Variants in TIPRL observed in about 807,000 individuals in gnomAD.
TIPRL encodes TOR signaling pathway regulator, also known as TIP41-like protein.
A neutral mutation model predicts 32.3 loss-of-function variants in TIPRL; 10 were observed. The observed-to-expected ratio is 0.31, with a 90% confidence interval of 0.19 to 0.52. The LOEUF is 0.52. Among genes scored for constraint, TIPRL ranks in the 20% least tolerant of loss-of-function variants. TIPRL has a pLI of 0.96. For synonymous variants in TIPRL, 100 were observed against 114.0 expected (o/e 0.88, Z 0.78); for missense variants, 250 against 328.1 (o/e 0.76, Z 1.84).
At position 168,201,384 on chromosome 1, in the gene TIPRL, A is replaced by G. The variant is rs1261623253; in HGVS notation, c.*1338A>G. On this transcript the variant is annotated 3_prime_UTR_variant, in exon 7 of 7. Coordinates refer to ENST00000367833, the MANE Select transcript of TIPRL (RefSeq NM_152902.5). ...GGTATTAGCCTGAAGATAAATTTTA[A>G]CAAAACATATACACTTGGGTATCCG... 1.3e-5 allele frequency: 2 copies of G among 152,210 alleles called. No homozygotes were observed. The highest frequency in any genetic ancestry group is 4.8e-5 in the African/African-American group (2 of 41,556). The allele number at this position is 152,210 out of a possible 1,614,324, so 9.4% of individuals were successfully genotyped here.
chr1:168,190,290 C>A (rs1306613672), intron 3 of TIPRL, among the ~76,000 whole-genome samples: 1 of 152,164 alleles, frequency 6.6e-6, no homozygotes, highest in Non-Finnish European at 1.5e-5. Flanking sequence ...AGTGTTATCT[C>A]TAAGTGACCA....
intron 5 of TIPRL, among the ~76,000 whole-genome samples, chr1:168,197,301 A>C (rs1429756858): frequency 6.8e-6 from 1 of 147,096 alleles, no homozygotes; most frequent in South Asian, 2.1e-4. Flanking sequence ...AAAAAAAAAA[A>C]GAAACATACC....
At chr1:168,184,109 A>C (rs756257177) in intron 2 of TIPRL, 28 bp downstream of exon 2, 17 of 1,579,680 alleles carry the variant, frequency 1.1e-5, no homozygotes, top group Non-Finnish European at 1.5e-5. Context: ...TAGGTTAAAC[A>C]AAAAAGGTAA....
chr1:168,178,994 C>A lies in TIPRL; in HGVS notation c.-84C>A. 1 of 1,266,696 alleles carries A rather than the reference C, an allele frequency of 7.9e-7. No individual in the cohort carries two copies. Among genetic ancestry groups the A allele is most frequent in the Non-Finnish European group, 1.1e-6 (1 of 906,514 alleles). The allele number at this position is 1,266,696 out of a possible 1,614,324, so 78.5% of individuals were successfully genotyped here. ...CGGCTCGGAAGCCTAGGAGGCTGGGCCGGAGGGAGGCGGAGGAACCGGTGT... is the reference window on the plus strand; with the variant it reads ...CGGCTCGGAAGCCTAGGAGGCTGGGACGGAGGGAGGCGGAGGAACCGGTGT... On this transcript the variant is annotated 5_prime_UTR_variant, in exon 1 of 7. Transcript: ENST00000367833.
In TIPRL at chr1:168,179,193, G is replaced by A. The variant is rs1332571602; in HGVS notation, c.104+12G>A. The A allele has an allele frequency of 1.9e-6, 3 of 1,613,316 alleles. No individual in the cohort carries two copies. The highest frequency in any genetic ancestry group is 8.5e-7 in the Non-Finnish European group (1 of 1,179,428). The stretch of plus-strand genomic sequence containing the variant: ...GCGGATGTGGAGAAGTGAGGCTTCG[G>A]GGCACGGGGTCTGGGCGCTGGCCGG... On this transcript the variant is annotated intron_variant, in intron 1 of 6. Transcript: ENST00000367833.
rs750885301 is a variant in TIPRL at position 168,183,927 on chromosome 1, T to G, written c.130T>G (p.Ser44Ala). Residue 44 changes from serine (S) to alanine (A), a missense_variant, in exon 2 of 7, where the codon TCT (serine) becomes GCT (alanine). By Grantham distance (99) the Ser-to-Ala change is moderately conservative. Transcript: ENST00000367833. ...ATTAGCCGATGAATTACATATGCCA[T>G]CTCTCCCTGAAATGATGTTTGGAGA... Reference protein sequence around the residue: ...EKLADELHMPSLPEMMFGDNV... With the variant: ...EKLADELHMPALPEMMFGDNV... 1 of 1,613,986 alleles carries G rather than the reference T, an allele frequency of 6.2e-7. No individual in the cohort carries two copies. Among genetic ancestry groups the G allele is most frequent in the Non-Finnish European group, 8.5e-7 (1 of 1,179,908 alleles).
intron 3 of TIPRL, among the ~76,000 whole-genome samples, 200 bp from the exon 4 acceptor site, chr1:168,191,169 A>G (rs1463533217): frequency 6.6e-6 from 1 of 152,216 alleles, no homozygotes; most frequent in East Asian, 1.9e-4. Context: ...AATATTGGGC[A>G]TCTGTAATGT....
At chr1:168,195,622 T>C (rs994809246) in intron 4 of TIPRL, among the ~76,000 whole-genome samples, 7 of 152,228 alleles carry the variant, frequency 4.6e-5, no homozygotes, top group Non-Finnish European at 1.0e-4. Context: ...TTGCCCAGGC[T>C]GGAGTGCAGT....
chr1:168,182,983 T>A (rs1248996419), intron 1 of TIPRL, among the ~76,000 whole-genome samples: 1 of 152,132 alleles, frequency 6.6e-6, no homozygotes, highest in Non-Finnish European at 1.5e-5. Context: ...AGACCATTGT[T>A]AACATTGTGC....
chr1:168,196,680 TG>T, intron 5 of TIPRL, 38 bp downstream of exon 5: 1 of 1,400,690 alleles, frequency 7.1e-7, no homozygotes. Context: ...TAATTGATAC[TG>T]GGCTTGTTTG....
intron 4 of TIPRL, among the ~76,000 whole-genome samples, chr1:168,193,869 AAT>A (rs1030947441): frequency 1.3e-5 from 2 of 152,218 alleles, no homozygotes; most frequent in Non-Finnish European, 2.9e-5. Flanking sequence ...TTTAGAATAA[AAT>A]ATATTTTAAT....
At chr1:168,188,031 T>C (rs181451223) in intron 3 of TIPRL, among the ~76,000 whole-genome samples, 100 of 152,306 alleles carry the variant, frequency 6.6e-4, no homozygotes, top group African/African-American at 2.4e-3. Context: ...TATGATAATA[T>C]AGTATATCAA....
intron 4 of TIPRL, chr1:168,192,390 A>C: frequency 2.0e-6 from 2 of 1,013,242 alleles, no homozygotes; most frequent in Non-Finnish European, 2.4e-6. Context: ...AGAAGTAGAA[A>C]ACACACATAA....
At chr1:168,189,183 AC>A (rs1700063602) in intron 3 of TIPRL, among the ~76,000 whole-genome samples, 1 of 152,180 alleles carries the variant, frequency 6.6e-6, no homozygotes, top group Admixed American at 6.5e-5. Context: ...GTACAGACTT[AC>A]TTTTCTCGGC....
chr1:168,197,248 G>A (rs937054798), intron 5 of TIPRL, among the ~76,000 whole-genome samples: 3 of 150,790 alleles, frequency 2.0e-5, no homozygotes, highest in African/African-American at 7.4e-5. Context: ...AGCTGGTGAA[G>A]GTTGAGGCTG....
At position 168,191,040 on chromosome 1, in the gene TIPRL, C is replaced by T. The variant is rs771671176; in HGVS notation, c.385-329C>T. ...TTCTATGACCTTCTATGATAGCAGT[C>T]GTTCATCACACTGACTGATGTTTAG... On this transcript the variant is annotated intron_variant, in intron 3 of 6. Coordinates refer to ENST00000367833, the MANE Select transcript of TIPRL (RefSeq NM_152902.5). 1.3e-4 allele frequency among the ~76,000 whole-genome samples: 20 copies of T among 152,130 alleles called. 1 individual carries two copies. The highest frequency in any genetic ancestry group is 2.6e-4 in the Non-Finnish European group (18 of 68,026).
At chr1:168,192,325 G>T (rs1335402289) in intron 4 of TIPRL, 3 of 1,015,780 alleles carry the variant, frequency 3.0e-6, no homozygotes, top group Admixed American at 4.7e-5. Flanking sequence ...CAGCCCTCCA[G>T]CCTGGGCGAC....
At chr1:168,195,601 G>A (rs111781531) in intron 4 of TIPRL, among the ~76,000 whole-genome samples, 3,940 of 152,210 alleles carry the variant, frequency 0.026, 189 homozygotes, top group African/African-American at 0.09. Context: ...TTGGGACAGG[G>A]TCTTGCTCTG....
In TIPRL at chr1:168,182,075, C is replaced by CAA. The variant is rs34352880; in HGVS notation, c.105-1815_105-1814dup. On this transcript the variant is annotated intron_variant, in intron 1 of 6. Coordinates refer to ENST00000367833, the MANE Select transcript of TIPRL (RefSeq NM_152902.5). ...TAAGACTCCGTCCCCCACCCTCCGC[C>CAA]AAAAAAAAAAAAATGCCTTTTTTTA... Among the ~76,000 whole-genome samples, 25 of 132,294 alleles carry CAA rather than the reference C, an allele frequency of 1.9e-4. 1 individual carries two copies. The highest frequency in any genetic ancestry group is 3.6e-4 in the Admixed American group (5 of 13,914). 86.8% of individuals were successfully genotyped at this position (132,294 alleles called of 152,430 possible).
Sources: allele counts gnomAD v4.1 joint callset (sites outside exome capture counted in the v4.1 genomes callset), GRCh38; gene constraint gnomAD v4.1.1; transcripts MANE v1.5; gene names NCBI Gene and HGNC (gene_info 2026-07-23, HGNC 2026-07-21).